The following FRMD6 variants were observed in gnomAD, a reference collection of about 807,000 sequenced individuals.
FRMD6 encodes FERM domain containing 6, also known as FERM domain-containing protein 6.
A neutral mutation model predicts 73.2 loss-of-function variants in FRMD6; 37 were observed. The observed-to-expected ratio is 0.51, with a 90% CI of 0.39 to 0.66. FRMD6 has a LOEUF of 0.66. Among genes scored for constraint, FRMD6 ranks in the 30% least tolerant of loss-of-function variants. FRMD6 has a pLI of 0.00. For missense variants in FRMD6, 714 were observed against 780.5 expected, an observed-to-expected ratio of 0.91 and a Z score of 1.02; for synonymous variants, 273 against 282.2, an observed-to-expected ratio of 0.97 and a Z score of 0.33.
chr14:51,536,494 T>G (rs1239468123), intron 1 of FRMD6, among the ~76,000 whole-genome samples: 2 of 152,144 alleles, frequency 1.3e-5, no homozygotes, highest in Non-Finnish European at 2.9e-5. Flanking sequence ...CTTGGCTCAC[T>G]GCAACCTCTG....
chr14:51,701,644 A>T (rs1238544811), intron 4 of FRMD6, among the ~76,000 whole-genome samples: 2 of 149,362 alleles, frequency 1.3e-5, no homozygotes, highest in Non-Finnish European at 3.0e-5. Flanking sequence ...TATAAGTTCT[A>T]AAGTGTCACA....
At chr14:51,477,569 CTG>C in the FRMD6 span, among the ~76,000 whole-genome samples, 1 of 151,960 alleles carries the variant, frequency 6.6e-6, no homozygotes, top group Non-Finnish European at 1.5e-5. Flanking sequence ...GATTATAAAA[CTG>C]TATGCAAAAG....
At chr14:51,571,869 CA>C (rs1287713750) in intron 2 of FRMD6, among the ~76,000 whole-genome samples, 1 of 152,114 alleles carries the variant, frequency 6.6e-6, no homozygotes, top group Non-Finnish European at 1.5e-5. Flanking sequence ...CTTATAAATT[CA>C]AAAAGGTTAC....
chr14:51,434,864 G>A, the FRMD6 span, among the ~76,000 whole-genome samples: 2 of 152,056 alleles, frequency 1.3e-5, no homozygotes, highest in African/African-American at 2.4e-5. Context: ...ACTGAGAAGG[G>A]CACAACATCT....
chr14:51,629,392 C>T (rs1311345686), intron 2 of FRMD6, among the ~76,000 whole-genome samples: 1 of 152,112 alleles, frequency 6.6e-6, no homozygotes, highest in East Asian at 1.9e-4. Context: ...TTCCTAAGAG[C>T]AAAATTCCTA....
chr14:51,568,934 C>T (rs1176588643), intron 1 of FRMD6, among the ~76,000 whole-genome samples: 1 of 151,594 alleles, frequency 6.6e-6, no homozygotes, highest in Non-Finnish European at 1.5e-5. Context: ...CAACTTCTGC[C>T]TCCCGGGTTC....
chr14:51,674,337 A>C (rs948450394), intron 1 of FRMD6, among the ~76,000 whole-genome samples: 1 of 152,180 alleles, frequency 6.6e-6, no homozygotes, highest in African/African-American at 2.4e-5. Context: ...AATCAGAGAT[A>C]AGGTGATTCC....
At chr14:51,491,529 T>G (rs1882999986) in intron 1 of FRMD6, 1 of 152,228 alleles carries the variant, frequency 6.6e-6, no homozygotes. Flanking sequence ...GCCAGCTATG[T>G]GCCAGGTACT....
chr14:51,481,854 C>A, the FRMD6 span, among the ~76,000 whole-genome samples: 2 of 152,184 alleles, frequency 1.3e-5, no homozygotes, highest in African/African-American at 4.8e-5. Context: ...GCCAGTAGAT[C>A]AGTAACAGAG....
intron 7 of FRMD6, among the ~76,000 whole-genome samples, chr14:51,710,633 T>C (rs375021209): frequency 3.9e-4 from 59 of 152,180 alleles, no homozygotes; most frequent in African/African-American, 1.3e-3. Context: ...TGAGGACACA[T>C]GTTTTAAAAA....
At chr14:51,445,985 A>G in the FRMD6 span, among the ~76,000 whole-genome samples, 4 of 152,210 alleles carry the variant, frequency 2.6e-5, no homozygotes, top group Non-Finnish European at 4.4e-5. Flanking sequence ...CGTTTCACAA[A>G]TAAGGAGGCA....
intron 2 of FRMD6, among the ~76,000 whole-genome samples, chr14:51,606,394 C>T (rs548532634): frequency 1.3e-5 from 2 of 152,308 alleles, no homozygotes; most frequent in South Asian, 4.1e-4. Context: ...GACACATGCA[C>T]ATCCTCACAT....
intron 1 of FRMD6, among the ~76,000 whole-genome samples, chr14:51,519,903 C>T (rs111424974): frequency 4.3e-4 from 66 of 152,232 alleles, no homozygotes; most frequent in African/African-American, 1.6e-3. Flanking sequence ...TTTGATTTGG[C>T]ACTGAATTTT....
the FRMD6 span, among the ~76,000 whole-genome samples, chr14:51,400,136 T>G: frequency 7.8e-6 from 1 of 128,842 alleles, no homozygotes; most frequent in Non-Finnish European, 1.6e-5. Flanking sequence ...TAAAGTCCTC[T>G]CTTTTAGCTA....
intron 1 of FRMD6, among the ~76,000 whole-genome samples, chr14:51,562,481 A>G (rs1471109111): frequency 6.6e-6 from 1 of 152,238 alleles, no homozygotes; most frequent in Non-Finnish European, 1.5e-5. Flanking sequence ...ATGCCAAAGT[A>G]GTTCAGAATG....
At chr14:51,556,206 T>C (rs1408360893) in intron 1 of FRMD6, among the ~76,000 whole-genome samples, 1 of 152,258 alleles carries the variant, frequency 6.6e-6, no homozygotes, top group East Asian at 1.9e-4. Context: ...GAATGTGCCA[T>C]CTTGATTACT....
chr14:51,565,523 C>G (rs1380773091), intron 1 of FRMD6: 4 of 152,224 alleles, frequency 2.6e-5, no homozygotes, highest in Non-Finnish European at 4.4e-5. Flanking sequence ...ACCCTTTTCA[C>G]TTTCAGTCTT....
the FRMD6 span, among the ~76,000 whole-genome samples, chr14:51,452,889 G>A: frequency 6.6e-6 from 1 of 152,180 alleles, no homozygotes; most frequent in Non-Finnish European, 1.5e-5. Flanking sequence ...ACTTTGAGGA[G>A]AGAAGACGAT....
chr14:51,720,209 C>T lies in FRMD6; in HGVS notation c.1179C>T (p.His393=), dbSNP rs748770149. The change falls in exon 11 of 14, where the codon CAC becomes CAT. Residue 393 remains histidine, a synonymous_variant. Coordinates refer to ENST00000344768, the MANE Select transcript of FRMD6 (RefSeq NM_001267046.2). The part of the protein sequence containing the change: ...RHSTASHSSS[H]TSGIEADTKP... ...CCACCGCCAGCCACAGCAGTTCCCA[C>T]ACCTCGGGCATTGAGGCAGACACCA... 13 of 1,614,014 alleles carry T rather than the reference C, an allele frequency of 8.1e-6. No homozygotes were observed. In the African/African-American group the frequency reaches 1.3e-4, roughly 17 times the overall value.
Sources: allele counts gnomAD v4.1 joint callset (sites outside exome capture counted in the v4.1 genomes callset), GRCh38; gene constraint gnomAD v4.1.1; transcripts MANE v1.5; gene names NCBI Gene and HGNC (gene_info 2026-07-23, HGNC 2026-07-21).